Variants in AKT3 observed in about 807,000 individuals in gnomAD.
The protein encoded by AKT3 is RAC-gamma serine/threonine-protein kinase.
Under a neutral mutation model 65.3 loss-of-function variants are expected in AKT3, and 15 were observed. The observed-to-expected ratio is 0.23, with a 90% confidence interval of 0.15 to 0.35. The LOEUF is 0.35. Ranked by LOEUF, AKT3 falls within the 10% of genes least tolerant of loss-of-function variation. The probability of loss-of-function intolerance (pLI) is 1.00; values close to 1 mark genes in which losing one functional copy is unlikely to be tolerated. For synonymous variants in AKT3, 206 were observed against 183.8 expected (o/e 1.12, Z -0.98); for missense variants, 243 against 576.5 (o/e 0.42, Z 5.92).
chr1:243,840,714 AT>A (rs35797982), intron 2 of AKT3, among the ~76,000 whole-genome samples: 4,060 of 149,476 alleles, frequency 0.027, 178 homozygotes, highest in African/African-American at 0.094. Context: ...AGAAAAGCTA[AT>A]TTTTTTTTTT....
At chr1:243,727,244 A>G (rs1344994236) in intron 2 of AKT3, among the ~76,000 whole-genome samples, 1 of 152,214 alleles carries the variant, frequency 6.6e-6, no homozygotes, top group African/African-American at 2.4e-5. Context: ...ATTTAATCCT[A>G]GGTTCAACCT....
At chr1:243,675,663 C>T (rs1683461117) in intron 3 of AKT3, among the ~76,000 whole-genome samples, 1 of 152,368 alleles carries the variant, frequency 6.6e-6, no homozygotes, top group South Asian at 2.1e-4. Flanking sequence ...GTTTCCACCA[C>T]TCTACTGCAG....
At chr1:243,797,798 C>T (rs896380873) in intron 2 of AKT3, among the ~76,000 whole-genome samples, 4 of 150,854 alleles carry the variant, frequency 2.7e-5, no homozygotes, top group Non-Finnish European at 5.9e-5. Flanking sequence ...ATCAGAAGAG[C>T]TTCTACATAA....
At chr1:243,848,218 A>T (rs1269075680) in intron 1 of AKT3, among the ~76,000 whole-genome samples, 1 of 152,180 alleles carries the variant, frequency 6.6e-6, no homozygotes, top group Non-Finnish European at 1.5e-5. Flanking sequence ...AAGATCTTCA[A>T]GTACCATCTC....
chr1:243,503,211 G>C lies in AKT3; in HGVS notation c.*2038C>G, dbSNP rs1669436220. 1 of 233,534 alleles carries C rather than the reference G, an allele frequency of 4.3e-6. No homozygotes were observed. Among genetic ancestry groups the C allele is most frequent in the Admixed American group, 5.6e-5 (1 of 17,768 alleles). The allele number at this position is 233,534 out of a possible 1,614,324, so 14.5% of individuals were successfully genotyped here. ...ACTCAGGTAGAAATATGAAAAAGAA[G>C]GATAACGTTGATGTCTGAATATGTC... On this transcript the variant is annotated 3_prime_UTR_variant, in exon 14 of 14. Coordinates refer to ENST00000673466, the MANE Select transcript of AKT3 (RefSeq NM_005465.7).
At chr1:243,620,367 A>T (rs112067819) in intron 6 of AKT3, among the ~76,000 whole-genome samples, 6,219 of 53,334 alleles carry the variant, frequency 0.12, 2,004 homozygotes, top group Middle Eastern at 0.26. Context: ...TACCAGTGTG[A>T]GAATGAACTA....
chr1:243,784,837 T>C (rs974485753), intron 2 of AKT3, among the ~76,000 whole-genome samples: 1 of 151,826 alleles, frequency 6.6e-6, no homozygotes, highest in Non-Finnish European at 1.5e-5. Context: ...CATAGCTCAC[T>C]GCAGCCACAA....
Position 243,630,767 on chromosome 1 carries a change from A to G in AKT3, c.561+6844T>C, listed in dbSNP as rs1463210857. ...TATAACATTTTCAGTCTGTTCTGTA[A>G]CTATACTTAAGTCTTCGGTGCTTTG... On this transcript the variant is annotated intron_variant, in intron 6 of 13. Transcript: ENST00000673466. 2.0e-5 allele frequency among the ~76,000 whole-genome samples: 3 copies of G among 152,166 alleles called. No homozygotes were observed. The East Asian group carries it at 5.8e-4, about 29-fold the overall frequency.
chr1:243,624,580 C>T (rs1031700104), intron 6 of AKT3: 1 of 154,964 alleles, frequency 6.5e-6, no homozygotes, highest in East Asian at 1.9e-4. Context: ...ATCAACCATA[C>T]TGTAACAGCA....
intron 4 of AKT3, among the ~76,000 whole-genome samples, chr1:243,658,897 G>C (rs1282025143): frequency 6.7e-6 from 1 of 148,958 alleles, no homozygotes; most frequent in Non-Finnish European, 1.5e-5. Flanking sequence ...TAACTTAGTT[G>C]CGTGTGTGGC....
At chr1:243,522,733 A>G (rs1670799474) in intron 12 of AKT3, among the ~76,000 whole-genome samples, 1 of 152,344 alleles carries the variant, frequency 6.6e-6, no homozygotes, top group South Asian at 2.1e-4. Context: ...ACATACACAG[A>G]AAGGCTATAT....
downstream of AKT3, among the ~76,000 whole-genome samples, chr1:243,496,650 G>A (rs1288721415): frequency 2.0e-5 from 3 of 152,182 alleles, no homozygotes; most frequent in African/African-American, 7.2e-5. Flanking sequence ...GGGGCGAGGG[G>A]TGCCACCATC....
At chr1:243,737,629 A>C (rs956042440) in intron 2 of AKT3, among the ~76,000 whole-genome samples, 96 of 152,214 alleles carry the variant, frequency 6.3e-4, no homozygotes, top group African/African-American at 2.2e-3. Flanking sequence ...GACTTCCTTA[A>C]GATATTAGTA....
chr1:243,643,995 T>C (rs1033504430), intron 5 of AKT3, among the ~76,000 whole-genome samples: 76 of 152,344 alleles, frequency 5.0e-4, no homozygotes, highest in African/African-American at 1.8e-3. Context: ...GAGTTAGTAG[T>C]GGTACAAATG....
intron 2 of AKT3, among the ~76,000 whole-genome samples, chr1:243,720,972 T>C (rs1432467651): frequency 6.6e-6 from 1 of 152,134 alleles, no homozygotes; most frequent in Non-Finnish European, 1.5e-5. Flanking sequence ...TACTTTGCAC[T>C]GGAAGGTATC....
At chr1:243,559,741 ATCT>A (rs1673642295) in intron 10 of AKT3, among the ~76,000 whole-genome samples, 1 of 152,148 alleles carries the variant, frequency 6.6e-6, no homozygotes, top group South Asian at 2.1e-4. Context: ...GTGTAAACAA[ATCT>A]TCTGTAAAGA....
intron 6 of AKT3, among the ~76,000 whole-genome samples, chr1:243,623,442 T>C (rs186300580): frequency 2.1e-4 from 32 of 152,276 alleles, no homozygotes; most frequent in African/African-American, 7.5e-4. Flanking sequence ...CAGAGGAGAC[T>C]GGAATGTGAA....
intron 3 of AKT3, among the ~76,000 whole-genome samples, chr1:243,676,583 A>G (rs1158963932): frequency 6.6e-6 from 1 of 152,108 alleles, no homozygotes; most frequent in Non-Finnish European, 1.5e-5. Flanking sequence ...AAGATATCCA[A>G]AAGGGTTTTG....
intron 8 of AKT3, among the ~76,000 whole-genome samples, chr1:243,586,563 C>T (rs1056291584): frequency 1.3e-5 from 2 of 152,046 alleles, no homozygotes; most frequent in South Asian, 2.1e-4. Flanking sequence ...GAACAAAATC[C>T]GGTCCTTTGC....
Sources: gnomAD v4.1 joint callset for allele counts (sites outside exome capture counted in the v4.1 genomes callset) on GRCh38, gnomAD v4.1.1 for gene constraint, MANE v1.5 for transcripts, NCBI Gene and HGNC (gene_info 2026-07-23, HGNC 2026-07-21) for gene names.